Variants in ALK observed in about 807,000 individuals in gnomAD.
The protein encoded by ALK is ALK receptor tyrosine kinase.
Under a neutral mutation model 163.1 loss-of-function variants are expected in ALK, and 74 were observed. That is an observed-to-expected ratio of 0.45 (90% CI 0.38 to 0.55). The LOEUF is 0.55. ALK is among the 20% of genes least tolerant of loss of function. ALK has a pLI of 0.00. For missense variants in ALK, 2,063 were observed against 2,105.3 expected (o/e 0.98, Z 0.39); for synonymous variants, 960 against 843.2 (o/e 1.14, Z -2.40).
At chr2:29,750,372 A>C (rs892049464) in intron 1 of ALK, among the ~76,000 whole-genome samples, 5 of 152,108 alleles carry the variant, frequency 3.3e-5, no homozygotes, top group African/African-American at 1.2e-4. Context: ...AAATATAGAA[A>C]AGGTACTAAG....
At chr2:29,844,276 C>T (rs1218247326) in intron 1 of ALK, among the ~76,000 whole-genome samples, 3 of 152,138 alleles carry the variant, frequency 2.0e-5, no homozygotes, top group South Asian at 2.1e-4. Context: ...GGTGCTGTTG[C>T]GTGGCTAGAC....
intron 1 of ALK, among the ~76,000 whole-genome samples, chr2:29,796,896 C>T (rs184579421): frequency 6.7e-4 from 101 of 151,840 alleles, no homozygotes; most frequent in African/African-American, 2.3e-3. Context: ...TTAGGAGACA[C>T]AAGGTCATGA....
intron 1 of ALK, among the ~76,000 whole-genome samples, chr2:29,866,736 C>A (rs973526153): frequency 1.3e-5 from 2 of 152,164 alleles, no homozygotes; most frequent in Non-Finnish European, 2.9e-5. Context: ...TTGAGAGATA[C>A]TGAAACAGAG....
rs78009387 is a variant in ALK at position 29,692,316 on chromosome 2, A to C, written c.952+2534T>G. On this transcript the variant is annotated intron_variant, in intron 3 of 28. Transcript: ENST00000389048. The stretch of plus-strand genomic sequence containing the variant: ...CCACTTTGGAAAATAGATTGGCATT[A>C]CCCAATGAAATGGAAGATGTTCTGA... Among the ~76,000 whole-genome samples, 147 of 152,318 alleles carry C rather than the reference A, an allele frequency of 9.7e-4. 1 individual carries two copies. The highest frequency in any genetic ancestry group is 1.7e-3 in the Non-Finnish European group (114 of 68,028).
At chr2:29,752,980 A>G (rs778113792) in intron 1 of ALK, among the ~76,000 whole-genome samples, 36 of 152,180 alleles carry the variant, frequency 2.4e-4, no homozygotes, top group Non-Finnish European at 4.1e-4. Flanking sequence ...GCCCAGGGTC[A>G]CAGGTTTATC....
chr2:29,558,564 C>T (rs890769254), intron 3 of ALK, among the ~76,000 whole-genome samples: 1 of 152,068 alleles, frequency 6.6e-6, no homozygotes, highest in African/African-American at 2.4e-5. Flanking sequence ...CCTCTCTGCC[C>T]TTCTTCCCCT....
intron 4 of ALK, among the ~76,000 whole-genome samples, chr2:29,460,118 C>G (rs4366859): frequency 0.16 from 24,233 of 152,054 alleles, 2,174 homozygotes; most frequent in East Asian, 0.35. Flanking sequence ...AGGAGTGGAA[C>G]GAACACAGCA....
chr2:29,232,259 G>A, intron 15 of ALK, 45 bp downstream of exon 15: 2 of 1,612,890 alleles, frequency 1.2e-6, no homozygotes, highest in Non-Finnish European at 1.7e-6. Flanking sequence ...CCCAGCTGAA[G>A]GCCTGGGAGA....
intron 3 of ALK, among the ~76,000 whole-genome samples, chr2:29,672,320 TC>T (rs1176308891): frequency 1.4e-5 from 2 of 143,096 alleles, no homozygotes; most frequent in African/African-American, 5.2e-5. Context: ...ATGCTATCCC[TC>T]CCCCTTCCCC....
At chr2:29,646,819 C>T (rs1187519201) in intron 3 of ALK, among the ~76,000 whole-genome samples, 1 of 152,194 alleles carries the variant, frequency 6.6e-6, no homozygotes, top group African/African-American at 2.4e-5. Context: ...ACCACTCCTG[C>T]CTTCCTTGCT....
intron 9 of ALK, among the ~76,000 whole-genome samples, chr2:29,283,997 C>T (rs559775097): frequency 3.3e-5 from 5 of 152,094 alleles, no homozygotes; most frequent in East Asian, 3.9e-4. Flanking sequence ...ATTTACTGAC[C>T]GGGAATTGCT....
intron 1 of ALK, among the ~76,000 whole-genome samples, chr2:29,841,276 G>A (rs1407884579): frequency 6.6e-6 from 1 of 152,168 alleles, no homozygotes; most frequent in Non-Finnish European, 1.5e-5. Context: ...ATCAAGTCTT[G>A]AACATATCCA....
At chr2:29,782,531 C>A (rs892207887) in intron 1 of ALK, among the ~76,000 whole-genome samples, 3 of 152,180 alleles carry the variant, frequency 2.0e-5, no homozygotes, top group Admixed American at 1.3e-4. Flanking sequence ...CCAGCGTTAA[C>A]CCCGCCCCAC....
chr2:29,595,673 C>T (rs1269447719), intron 3 of ALK, among the ~76,000 whole-genome samples: 1 of 151,992 alleles, frequency 6.6e-6, no homozygotes, highest in Non-Finnish European at 1.5e-5. Context: ...TTAAAGAGCT[C>T]CTCTCAATAA....
At chr2:29,586,085 G>T (rs191594178) in intron 3 of ALK, among the ~76,000 whole-genome samples, 2 of 151,990 alleles carry the variant, frequency 1.3e-5, no homozygotes. Context: ...TAAAACCTTC[G>T]CCATTTTGTA....
intron 1 of ALK, among the ~76,000 whole-genome samples, chr2:29,756,931 G>T (rs1212544951): frequency 6.6e-6 from 1 of 152,210 alleles, no homozygotes; most frequent in Non-Finnish European, 1.5e-5. Flanking sequence ...ATTGCCGTGG[G>T]AGAGCAGACC....
At chr2:29,739,401 T>G (rs1192064737) in intron 1 of ALK, among the ~76,000 whole-genome samples, 2 of 151,390 alleles carry the variant, frequency 1.3e-5, no homozygotes, top group Non-Finnish European at 2.9e-5. Flanking sequence ...CTACTAAAAA[T>G]ACAAAAATTA....
intron 4 of ALK, among the ~76,000 whole-genome samples, chr2:29,475,609 C>T (rs2148114237): frequency 6.6e-6 from 1 of 152,298 alleles, no homozygotes; most frequent in Non-Finnish European, 1.5e-5. Context: ...CATTGTTCCC[C>T]TGAAGTGAGT....
In ALK at chr2:29,228,923, C is replaced by CA; in HGVS notation, c.2775_2776insT (p.Gly926TrpfsTer22). 108 of 1,506,546 alleles carry CA rather than the reference C, an allele frequency of 7.2e-5. No homozygotes were observed. Among genetic ancestry groups the CA allele is most frequent in the Non-Finnish European group, 8.6e-5 (93 of 1,085,088 alleles). The allele number at this position is 1,506,546 out of a possible 1,614,324, so 93.3% of individuals were successfully genotyped here. A position where few individuals can be genotyped will look rare whatever the true frequency, so the allele number is the denominator to read the frequency against. On this transcript the variant is annotated frameshift_variant, in exon 16 of 29. Transcript: ENST00000389048. LOFTEE classifies it high-confidence loss of function. ...CCTCCTCCACCTGAGGAGCACCCCC[C>CA]TCCACCCCCTCCGAAACCCCCTCTT...
Sources: allele counts gnomAD v4.1 joint callset (sites outside exome capture counted in the v4.1 genomes callset), GRCh38; gene constraint gnomAD v4.1.1; transcripts MANE v1.5; gene names NCBI Gene and HGNC (gene_info 2026-07-23, HGNC 2026-07-21).